Variants in RANBP17 observed in about 807,000 individuals in gnomAD.
RANBP17 encodes the protein RAN binding protein 17.
A neutral mutation model predicts 141.2 loss-of-function variants in RANBP17; 158 were observed. The observed-to-expected ratio is 1.12, with a 90% CI of 0.98 to 1.28. The LOEUF is 1.28. Ranked by LOEUF, RANBP17 falls within the 50% of genes most tolerant of loss-of-function variation. The pLI is 0.00. For missense variants in RANBP17, 1,438 were observed against 1,290.7 expected (o/e 1.11, Z -1.75); for synonymous variants, 430 against 450.0 (o/e 0.96, Z 0.56).
chr5:171,058,624 G>A (rs1402292391), intron 14 of RANBP17, among the ~76,000 whole-genome samples: 1 of 150,492 alleles, frequency 6.6e-6, no homozygotes, highest in Non-Finnish European at 1.5e-5. Flanking sequence ...ATAAACATAT[G>A]TGTGCATGTG....
At chr5:171,128,175 G>A (rs997493051) in intron 14 of RANBP17, among the ~76,000 whole-genome samples, 1 of 152,006 alleles carries the variant, frequency 6.6e-6, no homozygotes, top group Admixed American at 6.6e-5. Flanking sequence ...AAGAATATCA[G>A]TATATCAAAG....
chr5:171,229,100 G>A (rs1224464200), intron 22 of RANBP17, among the ~76,000 whole-genome samples: 1 of 152,196 alleles, frequency 6.6e-6, no homozygotes, highest in Non-Finnish European at 1.5e-5. Flanking sequence ...GAAATAACTA[G>A]AGAGTTAATA....
intron 14 of RANBP17, among the ~76,000 whole-genome samples, chr5:171,025,849 A>G (rs1339770068): frequency 2.0e-5 from 3 of 152,010 alleles, no homozygotes; most frequent in Non-Finnish European, 4.4e-5. Flanking sequence ...CGGTCTCCCA[A>G]TGTTCTGGGA....
At chr5:171,016,141 G>A (rs893978589) in intron 14 of RANBP17, among the ~76,000 whole-genome samples, 3 of 150,364 alleles carry the variant, frequency 2.0e-5, no homozygotes, top group African/African-American at 4.9e-5. Context: ...CAATCCCAGG[G>A]CTCACCCTTG....
intron 3 of RANBP17, among the ~76,000 whole-genome samples, chr5:170,886,906 G>A (rs1306390990): frequency 2.0e-5 from 3 of 151,546 alleles, no homozygotes; most frequent in East Asian, 1.9e-4. Flanking sequence ...CAAGCGATCC[G>A]CCTGCCTCAG....
chr5:170,936,137 A>G (rs971281774), intron 12 of RANBP17, among the ~76,000 whole-genome samples: 2 of 152,258 alleles, frequency 1.3e-5, no homozygotes, highest in African/African-American at 4.8e-5. Flanking sequence ...TGCTAAGGCC[A>G]TTGGAAAAGC....
At chr5:171,019,683 A>G (rs1197160733) in intron 14 of RANBP17, among the ~76,000 whole-genome samples, 4 of 150,604 alleles carry the variant, frequency 2.7e-5, no homozygotes, top group Non-Finnish European at 4.4e-5. Context: ...AGGCATATCT[A>G]TTTTGTTAAT....
chr5:171,018,240 T>G (rs922779078), intron 14 of RANBP17, among the ~76,000 whole-genome samples: 7 of 152,208 alleles, frequency 4.6e-5, no homozygotes, highest in African/African-American at 1.7e-4. Context: ...CTATATGGGC[T>G]CTTTTTTGGT....
chr5:171,190,266 G>T (rs1259976690), intron 18 of RANBP17, among the ~76,000 whole-genome samples: 4 of 152,190 alleles, frequency 2.6e-5, no homozygotes, highest in Non-Finnish European at 1.5e-5. Context: ...CACTTTGTAT[G>T]AATTTAATTA....
At chr5:171,173,787 C>T (rs566204597) in intron 16 of RANBP17, among the ~76,000 whole-genome samples, 1 of 152,270 alleles carries the variant, frequency 6.6e-6, no homozygotes, top group South Asian at 2.1e-4. Flanking sequence ...AGGCCTAGGC[C>T]TGAGAATTGC....
intron 12 of RANBP17, among the ~76,000 whole-genome samples, chr5:170,937,136 A>G (rs1329274235): frequency 2.0e-5 from 3 of 152,222 alleles, no homozygotes; most frequent in Non-Finnish European, 4.4e-5. Context: ...GGTGGAGGAC[A>G]CCAACTTAAT....
chr5:171,126,931 G>T (rs766037986), intron 14 of RANBP17, among the ~76,000 whole-genome samples: 1 of 152,106 alleles, frequency 6.6e-6, no homozygotes, highest in Non-Finnish European at 1.5e-5. Context: ...ATGCTTTTCA[G>T]ACTATTTCAG....
At chr5:171,072,841 A>G (rs1195086660) in intron 14 of RANBP17, among the ~76,000 whole-genome samples, 2 of 152,186 alleles carry the variant, frequency 1.3e-5, no homozygotes, top group Admixed American at 6.6e-5. Flanking sequence ...GGAACAACCA[A>G]GATGTCTTTC....
intron 24 of RANBP17, 184 bp downstream of exon 24, chr5:171,243,004 T>C: frequency 1.6e-6 from 1 of 615,830 alleles, no homozygotes; most frequent in South Asian, 2.0e-5. Flanking sequence ...ACATAGTCAG[T>C]TATGTTTTAA....
intron 7 of RANBP17, among the ~76,000 whole-genome samples, chr5:170,912,800 G>A (rs1378084041): frequency 6.6e-6 from 1 of 150,554 alleles, no homozygotes; most frequent in African/African-American, 2.5e-5. Context: ...TTTGCAAACA[G>A]ATAGTACCCC....
intron 14 of RANBP17, among the ~76,000 whole-genome samples, chr5:170,972,421 T>A (rs1401811296): frequency 6.6e-6 from 1 of 152,092 alleles, no homozygotes; most frequent in Admixed American, 6.6e-5. Context: ...TGACCTCAGG[T>A]GATCCACCCA....
intron 24 of RANBP17, chr5:171,251,721 C>CCG: frequency 1.5e-6 from 1 of 678,068 alleles, no homozygotes; most frequent in East Asian, 3.0e-5. Flanking sequence ...CGGGGTCCAC[C>CCG]CGCGGGCTGC....
At chr5:171,023,582 T>C (rs1230479392) in intron 14 of RANBP17, among the ~76,000 whole-genome samples, 2 of 152,224 alleles carry the variant, frequency 1.3e-5, no homozygotes, top group African/African-American at 4.8e-5. Context: ...GTGAAAAATT[T>C]ATTTTCTCCT....
intron 14 of RANBP17, among the ~76,000 whole-genome samples, chr5:171,149,083 C>G (rs1046736737): frequency 6.6e-6 from 1 of 152,190 alleles, no homozygotes; most frequent in Admixed American, 6.5e-5. Flanking sequence ...CTACCACGTA[C>G]AAGCTATCTA....
Sources: gnomAD v4.1 joint callset for allele counts (sites outside exome capture counted in the v4.1 genomes callset) on GRCh38, gnomAD v4.1.1 for gene constraint, MANE v1.5 for transcripts, NCBI Gene and HGNC (gene_info 2026-07-23, HGNC 2026-07-21) for gene names.